The following NMT2 variants were observed in gnomAD, a reference collection of about 807,000 sequenced individuals.
NMT2 encodes N-myristoyltransferase 2.
In NMT2, 35 loss-of-function variants were observed where a neutral mutation model predicts 65.4. The observed-to-expected ratio is 0.54, with a 90% confidence interval of 0.41 to 0.71. The LOEUF is 0.71. NMT2 is among the 30% of genes least tolerant of loss of function. The pLI is 0.00. For synonymous variants in NMT2, 226 were observed against 231.8 expected (o/e 0.98, Z 0.23); for missense variants, 489 against 611.3 (o/e 0.80, Z 2.11).
At chr10:15,129,207 C>T (rs181592809) in intron 7 of NMT2, among the ~76,000 whole-genome samples, 1 of 152,276 alleles carries the variant, frequency 6.6e-6, no homozygotes, top group African/African-American at 2.4e-5. Flanking sequence ...TGATTCCAGG[C>T]TCTGGGATAA....
chr10:15,131,276 GA>G (rs1433692783), intron 6 of NMT2, among the ~76,000 whole-genome samples: 1 of 151,350 alleles, frequency 6.6e-6, no homozygotes, highest in African/African-American at 2.4e-5. Context: ...TTTCAGTTTA[GA>G]AAATGGATCA....
intron 2 of NMT2, among the ~76,000 whole-genome samples, chr10:15,139,982 T>C (rs1469985211): frequency 6.9e-6 from 1 of 144,428 alleles, no homozygotes; most frequent in East Asian, 2.1e-4. Flanking sequence ...AACTGCGAGT[T>C]AGAGAGAAGA....
intron 9 of NMT2, among the ~76,000 whole-genome samples, chr10:15,119,060 C>T (rs1845838695): frequency 6.6e-6 from 1 of 152,242 alleles, no homozygotes; most frequent in Admixed American, 6.5e-5. Flanking sequence ...GGTAAAGCTG[C>T]TGGTGCCTTA....
intron 1 of NMT2, among the ~76,000 whole-genome samples, chr10:15,153,251 C>T (rs1832866422): frequency 1.3e-5 from 2 of 152,138 alleles, no homozygotes; most frequent in African/African-American, 2.4e-5. Flanking sequence ...TGAGACCTCC[C>T]CTCCGCCATC....
At chr10:15,112,174 TTATATATATATATATATATATATATA>T (rs1331603632) in intron 10 of NMT2, among the ~76,000 whole-genome samples, 57 of 28,878 alleles carry the variant, frequency 2.0e-3, no homozygotes, top group African/African-American at 3.2e-3. Flanking sequence ...GATATGGGCT[TTATATATATATATATATATATATATA>T]TATATATATA....
intron 2 of NMT2, 95 bp downstream of exon 2, chr10:15,141,327 G>T (rs1349574001): frequency 1.4e-6 from 2 of 1,462,264 alleles, no homozygotes; most frequent in African/African-American, 1.4e-5. Context: ...TCACAACAAA[G>T]TCCCTACACA....
rs1846927868 is a variant in NMT2, at chr10:15,145,404, G to A, written c.111-3847C>T. Among the ~76,000 whole-genome samples the A allele has an allele frequency of 2.0e-5, 3 of 152,196 alleles. No homozygotes were observed. The South Asian group carries it at 6.2e-4, about 31-fold the overall frequency. On this transcript the variant is annotated intron_variant, in intron 1 of 11. Coordinates refer to ENST00000378165, the MANE Select transcript of NMT2 (RefSeq NM_004808.3). Reference sequence around the variant, plus strand: ...TTTTTGGTTTTTAGTATTTGAGACAGAGTCTCACTTTGTCGCCCAGGCTGG... The same window carrying A: ...TTTTTGGTTTTTAGTATTTGAGACAAAGTCTCACTTTGTCGCCCAGGCTGG...
chr10:15,149,822 C>CAT (rs765257049), intron 1 of NMT2, among the ~76,000 whole-genome samples: 9,382 of 152,200 alleles, frequency 0.062, 448 homozygotes, highest in African/African-American at 0.14. Flanking sequence ...AGAATCAGGA[C>CAT]TTGAATCCAG....
intron 8 of NMT2, among the ~76,000 whole-genome samples, 161 bp from the exon 9 acceptor site, chr10:15,119,674 A>T (rs1294142965): frequency 6.6e-6 from 1 of 152,208 alleles, no homozygotes; most frequent in Non-Finnish European, 1.5e-5. Context: ...ATGAATCCGA[A>T]TCTGCAACTC....
chr10:15,168,017 C>T (rs1231934914), intron 1 of NMT2, among the ~76,000 whole-genome samples: 2 of 152,198 alleles, frequency 1.3e-5, no homozygotes, highest in African/African-American at 4.8e-5. Flanking sequence ...GCTCCACCCA[C>T]GTCTTTGCCC....
At chr10:15,134,500 C>T (rs2131551886) in intron 3 of NMT2, among the ~76,000 whole-genome samples, 1 of 152,306 alleles carries the variant, frequency 6.6e-6, no homozygotes, top group Non-Finnish European at 1.5e-5. Context: ...TAACTAAAGC[C>T]TTTCTCTACC....
chr10:15,143,899 T>C (rs551133253), intron 1 of NMT2, among the ~76,000 whole-genome samples: 1 of 152,262 alleles, frequency 6.6e-6, no homozygotes, highest in African/African-American at 2.4e-5. Context: ...TAATAGTCTC[T>C]AAAACAGATA....
At chr10:15,155,128 C>T in intron 1 of NMT2, 2 of 1,496,736 alleles carry the variant, frequency 1.3e-6, no homozygotes, top group Non-Finnish European at 1.9e-6. Flanking sequence ...CATGTAAAGT[C>T]ACCACCCTGA....
chr10:15,164,368 G>T (rs1833306991), intron 1 of NMT2, among the ~76,000 whole-genome samples: 1 of 152,078 alleles, frequency 6.6e-6, no homozygotes, highest in Admixed American at 6.5e-5. Context: ...AAAGCTATGA[G>T]AAACATCTAT....
At chr10:15,146,189 G>C (rs545485761) in intron 1 of NMT2, among the ~76,000 whole-genome samples, 141 of 152,306 alleles carry the variant, frequency 9.3e-4, no homozygotes, top group African/African-American at 3.1e-3. Flanking sequence ...GCACACTTCA[G>C]CTTCCATCCA....
intron 1 of NMT2, among the ~76,000 whole-genome samples, chr10:15,153,679 C>T (rs1484082305): frequency 6.6e-6 from 1 of 151,820 alleles, no homozygotes; most frequent in Non-Finnish European, 1.5e-5. Context: ...GAGACAGAGT[C>T]TCGTTCTGTC....
intron 1 of NMT2, among the ~76,000 whole-genome samples, chr10:15,149,717 CTAT>C (rs890340293): frequency 6.6e-6 from 1 of 151,754 alleles, no homozygotes; most frequent in Non-Finnish European, 1.5e-5. Context: ...GAGGTAAGTG[CTAT>C]TATTATTATT....
chr10:15,159,552 C>T (rs1199398893), intron 1 of NMT2, among the ~76,000 whole-genome samples: 3 of 152,066 alleles, frequency 2.0e-5, no homozygotes, highest in African/African-American at 4.8e-5. Context: ...CTCAGCCTCC[C>T]GATTAGCTGG....
intron 2 of NMT2, among the ~76,000 whole-genome samples, chr10:15,135,712 C>T (rs1477017837): frequency 6.6e-6 from 1 of 152,156 alleles, no homozygotes; most frequent in South Asian, 2.1e-4. Context: ...CGGCATTACT[C>T]CTCTGGGGGA....
Sources: gnomAD v4.1 joint callset for allele counts (sites outside exome capture counted in the v4.1 genomes callset) on GRCh38, gnomAD v4.1.1 for gene constraint, MANE v1.5 for transcripts, NCBI Gene and HGNC (gene_info 2026-07-23, HGNC 2026-07-21) for gene names.